The following ARB2A variants were observed in gnomAD, a reference collection of about 807,000 sequenced individuals.
ARB2A encodes cotranscriptional regulator ARB2A.
At chr5:94,028,205 G>T in the ARB2A span, among the ~76,000 whole-genome samples, 2 of 152,144 alleles carry the variant, frequency 1.3e-5, no homozygotes, top group Non-Finnish European at 1.5e-5. Context: ...ACACAACCCT[G>T]AGAAATGGCC....
the ARB2A span, chr5:94,074,712 A>C: frequency 6.2e-7 from 1 of 1,612,996 alleles, no homozygotes. Flanking sequence ...ATGTTTATCC[A>C]AATTGGCAAC....
the ARB2A span, among the ~76,000 whole-genome samples, chr5:93,859,969 G>A: frequency 1.3e-4 from 20 of 152,176 alleles, no homozygotes; most frequent in African/African-American, 4.6e-4. Context: ...GGAGGCATCT[G>A]AAGCCCAGGA....
the ARB2A span, among the ~76,000 whole-genome samples, chr5:93,931,195 G>C: frequency 1.0e-3 from 159 of 152,292 alleles, 1 homozygote; most frequent in African/African-American, 3.8e-3. Context: ...ACCGGGCGCA[G>C]TGACTCACAC....
the ARB2A span, among the ~76,000 whole-genome samples, chr5:94,048,364 T>A: frequency 6.6e-6 from 1 of 152,078 alleles, no homozygotes; most frequent in African/African-American, 2.4e-5. Context: ...GGTAAGCTTT[T>A]TTTAATGTGC....
chr5:93,884,350 A>G, the ARB2A span, among the ~76,000 whole-genome samples: 1 of 151,632 alleles, frequency 6.6e-6, no homozygotes, highest in Non-Finnish European at 1.5e-5. Flanking sequence ...AAGACTCTGA[A>G]ATTTGATATG....
At chr5:93,716,954 G>C in the ARB2A span, among the ~76,000 whole-genome samples, 2 of 151,978 alleles carry the variant, frequency 1.3e-5, no homozygotes, top group African/African-American at 2.4e-5. Context: ...AATGTGCATA[G>C]TATAATCAGC....
chr5:93,962,835 T>G, the ARB2A span, among the ~76,000 whole-genome samples: 1 of 152,148 alleles, frequency 6.6e-6, no homozygotes, highest in Non-Finnish European at 1.5e-5. Context: ...AAATCTCTCT[T>G]GCTTATTAGC....
the ARB2A span, among the ~76,000 whole-genome samples, chr5:93,765,741 G>A: frequency 3.9e-5 from 6 of 152,030 alleles, no homozygotes; most frequent in East Asian, 1.9e-4. Context: ...TCAATCCTAC[G>A]CCAAAAGAAC....
the ARB2A span, among the ~76,000 whole-genome samples, chr5:93,889,904 G>A: frequency 1.3e-5 from 2 of 151,904 alleles, no homozygotes; most frequent in Admixed American, 1.3e-4. Context: ...TTCTTTCAAA[G>A]AGACAAGATA....
At chr5:93,621,190 G>A in the ARB2A span, 108 of 1,504,910 alleles carry the variant, frequency 7.2e-5, no homozygotes, top group African/African-American at 2.8e-4. Flanking sequence ...CGGTGAGGGC[G>A]GCGAGGGCCA....
the ARB2A span, among the ~76,000 whole-genome samples, chr5:93,779,124 T>TGTGTGTGTGTGTGCGCGC: frequency 6.8e-6 from 1 of 146,298 alleles, no homozygotes; most frequent in African/African-American, 2.6e-5. Flanking sequence ...TGTGTGTGTG[T>TGTGTGTGTGTGTGCGCGC]GCGCGCGCGC....
chr5:93,768,556 C>A, the ARB2A span, among the ~76,000 whole-genome samples: 3 of 150,640 alleles, frequency 2.0e-5, no homozygotes, highest in Non-Finnish European at 4.4e-5. Flanking sequence ...TACATTTATA[C>A]ACTATATATA....
chr5:93,691,774 G>C, the ARB2A span, among the ~76,000 whole-genome samples: 1 of 152,178 alleles, frequency 6.6e-6, no homozygotes, highest in Non-Finnish European at 1.5e-5. Context: ...GGTAGCCAGA[G>C]AGAAAGATCA....
chr5:93,858,980 G>C, the ARB2A span, among the ~76,000 whole-genome samples: 1 of 152,210 alleles, frequency 6.6e-6, no homozygotes, highest in African/African-American at 2.4e-5. Flanking sequence ...AGATTAAAAT[G>C]AGACACTTCC....
chr5:93,665,905 A>C, the ARB2A span, among the ~76,000 whole-genome samples: 1 of 152,212 alleles, frequency 6.6e-6, no homozygotes, highest in Non-Finnish European at 1.5e-5. Flanking sequence ...TAGGCACCAG[A>C]GACGTTCTTT....
At chr5:93,971,301 G>A in the ARB2A span, among the ~76,000 whole-genome samples, 20 of 151,902 alleles carry the variant, frequency 1.3e-4, no homozygotes, top group Admixed American at 6.6e-5. Flanking sequence ...GGCACGGTGG[G>A]TCACACCTGT....
chr5:93,790,300 T>C, the ARB2A span, among the ~76,000 whole-genome samples: 5 of 152,208 alleles, frequency 3.3e-5, no homozygotes, highest in Admixed American at 6.5e-5. Flanking sequence ...AAATATGCCA[T>C]GTAAACTACT....
the ARB2A span, among the ~76,000 whole-genome samples, chr5:93,902,555 C>T: frequency 1.1e-4 from 16 of 152,038 alleles, no homozygotes; most frequent in Admixed American, 1.1e-3. Flanking sequence ...TGACAGCCTA[C>T]ATAGGCCATA....
At chr5:93,903,122 T>C in the ARB2A span, among the ~76,000 whole-genome samples, 18 of 152,192 alleles carry the variant, frequency 1.2e-4, no homozygotes, top group Non-Finnish European at 2.4e-4. Flanking sequence ...AATTTTGACA[T>C]AGAGAGGTGT....
Sources: allele counts gnomAD v4.1 joint callset (sites outside exome capture counted in the v4.1 genomes callset), GRCh38; gene constraint gnomAD v4.1.1; transcripts MANE v1.5; gene names NCBI Gene and HGNC (gene_info 2026-07-23, HGNC 2026-07-21).